Variants in GABRG3 observed in about 807,000 individuals in gnomAD.
GABRG3 encodes gamma-aminobutyric acid type A receptor subunit gamma3.
In GABRG3, 25 loss-of-function variants were observed where a neutral mutation model predicts 48.8. The ratio of observed to expected loss-of-function variants is 0.51; its 90% confidence interval spans 0.37 to 0.72. The LOEUF (loss-of-function observed/expected upper bound fraction) is 0.72, where lower values mean the gene tolerates loss of function less well. Ranked by LOEUF, GABRG3 falls within the 30% of genes least tolerant of loss-of-function variation. GABRG3 has a pLI of 0.00. For missense variants in GABRG3, 394 were observed against 577.9 expected (o/e 0.68, Z 3.26); for synonymous variants, 227 against 217.6 (o/e 1.04, Z -0.38).
At chr15:27,256,085 A>G (rs1456461612) in intron 3 of GABRG3, among the ~76,000 whole-genome samples, 1 of 152,082 alleles carries the variant, frequency 6.6e-6, no homozygotes, top group African/African-American at 2.4e-5. Flanking sequence ...CGTGGGCCCA[A>G]TCCAATCACC....
intron 2 of GABRG3, among the ~76,000 whole-genome samples, chr15:27,024,335 T>C (rs758079590): frequency 1.3e-5 from 2 of 152,242 alleles, no homozygotes; most frequent in Non-Finnish European, 2.9e-5. Context: ...TATTTTTCTT[T>C]TGTTGCCTGA....
chr15:26,994,433 C>A (rs1331801598), intron 2 of GABRG3, among the ~76,000 whole-genome samples: 2 of 151,800 alleles, frequency 1.3e-5, no homozygotes, highest in African/African-American at 4.8e-5. Flanking sequence ...CTGATGATAA[C>A]TCACCACTGA....
intron 3 of GABRG3, among the ~76,000 whole-genome samples, chr15:27,300,678 C>CAAAAAAAAAAAAAAAAAAAAAAAAA (rs10600874): frequency 2.0e-5 from 2 of 101,282 alleles, no homozygotes; most frequent in Non-Finnish European, 3.9e-5. Context: ...AATAAATAAG[C>CAAAAAAAAAAAAAAAAAAAAAAAAA]AAAAAAAAAA....
intron 3 of GABRG3, among the ~76,000 whole-genome samples, chr15:27,133,901 C>T (rs538906038): frequency 1.3e-4 from 20 of 152,276 alleles, no homozygotes; most frequent in African/African-American, 4.8e-4. Context: ...GTGGGTAAAA[C>T]AGTTCTCACA....
At chr15:27,327,613 A>G (rs1343812998) in intron 4 of GABRG3, among the ~76,000 whole-genome samples, 2 of 152,140 alleles carry the variant, frequency 1.3e-5, no homozygotes, top group East Asian at 1.9e-4. Context: ...ACACAGCACT[A>G]GCAATGACGG....
intron 5 of GABRG3, among the ~76,000 whole-genome samples, chr15:27,463,866 G>C (rs192188453): frequency 6.6e-6 from 1 of 152,016 alleles, no homozygotes; most frequent in Non-Finnish European, 1.5e-5. Flanking sequence ...TTCTCTCTTC[G>C]CTCTTCTCTC....
In GABRG3 at chr15:27,122,642, G is replaced by A. The variant is rs1003922804; in HGVS notation, c.270+95821G>A. On this transcript the variant is annotated intron_variant, in intron 3 of 9. Coordinates refer to ENST00000615808, the MANE Select transcript of GABRG3 (RefSeq NM_033223.5). ...CTCCTACAGAATGGAGGTGCAGACA[G>A]CCTGTGCCCTGGAGAAGGTCACTGC... Among the ~76,000 whole-genome samples, 3 of 152,238 alleles carry A rather than the reference G, an allele frequency of 2.0e-5. No individual in the cohort carries two copies. In the East Asian group the frequency reaches 5.8e-4, roughly 29 times the overall value.
In GABRG3 at chr15:27,388,295, A is replaced by AGAAG. The variant is rs1361528040; in HGVS notation, c.574+59415_574+59418dup. Among the ~76,000 whole-genome samples the AGAAG allele has an allele frequency of 1.6e-4, 5 of 31,150 alleles. 1 individual carries two copies. The highest frequency in any genetic ancestry group is 4.8e-4 in the African/African-American group (3 of 6,260). The allele number at this position is 31,150 out of a possible 152,430, so 20.4% of individuals were successfully genotyped here. On this transcript the variant is annotated intron_variant, in intron 5 of 9. Transcript: ENST00000615808. ...GGAGGGTAAGGAAGGAAGGAAGAAA[A>AGAAG]GAAGGAAGGAAAGGGAGGGAGGGAA...
At chr15:27,161,785 G>A (rs1472831897) in intron 3 of GABRG3, among the ~76,000 whole-genome samples, 14 of 152,012 alleles carry the variant, frequency 9.2e-5, no homozygotes, top group Non-Finnish European at 2.9e-5. Flanking sequence ...ACAGGAACAC[G>A]TATTAGAAAA....
intron 3 of GABRG3, among the ~76,000 whole-genome samples, chr15:27,036,113 A>C (rs117879646): frequency 0.021 from 3,245 of 152,354 alleles, 41 homozygotes; most frequent in Non-Finnish European, 0.031. Flanking sequence ...ATGAGGCTTC[A>C]GTTTATTTGA....
At chr15:27,139,518 C>A (rs1898067873) in intron 3 of GABRG3, among the ~76,000 whole-genome samples, 1 of 152,196 alleles carries the variant, frequency 6.6e-6, no homozygotes. Context: ...CACAAACACA[C>A]TCAGAAGGAA....
At chr15:27,040,359 G>C (rs1348982888) in intron 3 of GABRG3, among the ~76,000 whole-genome samples, 1 of 152,214 alleles carries the variant, frequency 6.6e-6, no homozygotes, top group African/African-American at 2.4e-5. Context: ...GCTTCCCATA[G>C]GGCATAGCTG....
intron 6 of GABRG3, among the ~76,000 whole-genome samples, chr15:27,486,571 A>T (rs1890224767): frequency 6.6e-6 from 1 of 152,172 alleles, no homozygotes; most frequent in Non-Finnish European, 1.5e-5. Flanking sequence ...GAGGGAGCAC[A>T]GGGGGCAGGA....
rs140937201 is a variant in GABRG3, at chr15:27,512,485, G to A, written c.713-7487G>A. Reference sequence around the variant, plus strand: ...AGGAGGCACGAGAAGCAGGACTCACGTGGCCTGTTGATTTTGAAATGCCTG... The same window carrying A: ...AGGAGGCACGAGAAGCAGGACTCACATGGCCTGTTGATTTTGAAATGCCTG... On this transcript the variant is annotated intron_variant, in intron 6 of 9. Coordinates refer to ENST00000615808, the MANE Select transcript of GABRG3 (RefSeq NM_033223.5). Among the ~76,000 whole-genome samples, 460 of 152,302 alleles carry A rather than the reference G, an allele frequency of 3.0e-3. 1 individual carries two copies. The highest frequency in any genetic ancestry group is 0.01 in the Middle Eastern group (3 of 294).
At chr15:27,077,216 C>G (rs1475001035) in intron 3 of GABRG3, among the ~76,000 whole-genome samples, 1 of 152,158 alleles carries the variant, frequency 6.6e-6, no homozygotes, top group Non-Finnish European at 1.5e-5. Context: ...GCATGCCCAG[C>G]CTCTCTGGGT....
chr15:27,316,107 G>A (rs985159521), intron 3 of GABRG3, among the ~76,000 whole-genome samples: 5 of 152,076 alleles, frequency 3.3e-5, no homozygotes, highest in Non-Finnish European at 5.9e-5. Flanking sequence ...AAAATGGGCC[G>A]GGCGCGGTGG....
intron 5 of GABRG3, among the ~76,000 whole-genome samples, chr15:27,401,408 C>A (rs1887470820): frequency 6.6e-6 from 1 of 152,200 alleles, no homozygotes; most frequent in Non-Finnish European, 1.5e-5. Flanking sequence ...TGCCTCATCC[C>A]TAAAGTATTT....
intron 3 of GABRG3, among the ~76,000 whole-genome samples, chr15:27,299,197 T>C (rs1439354426): frequency 6.6e-6 from 1 of 152,088 alleles, no homozygotes; most frequent in Non-Finnish European, 1.5e-5. Flanking sequence ...GGTAGGAGAA[T>C]CACTTGAACC....
At chr15:27,108,234 A>C (rs773320329) in intron 3 of GABRG3, among the ~76,000 whole-genome samples, 30 of 152,128 alleles carry the variant, frequency 2.0e-4, no homozygotes, top group Non-Finnish European at 3.8e-4. Flanking sequence ...TGACTGACAA[A>C]TTTTGATCTT....
Sources: allele counts gnomAD v4.1 joint callset (sites outside exome capture counted in the v4.1 genomes callset), GRCh38; gene constraint gnomAD v4.1.1; transcripts MANE v1.5; gene names NCBI Gene and HGNC (gene_info 2026-07-23, HGNC 2026-07-21).